KIAA1328: variants seen among roughly 807,000 people sequenced by gnomAD.
The protein encoded by KIAA1328 is protein hinderin.
KIAA1328 carries 52 observed loss-of-function variants against 68.1 expected under a neutral mutation model. The observed-to-expected ratio is 0.76, with a 90% CI of 0.61 to 0.96. The LOEUF is 0.96. KIAA1328 is among the 40% of genes least tolerant of loss of function. The pLI is 0.00. For synonymous variants in KIAA1328, 232 were observed against 239.4 expected (o/e 0.97, Z 0.28); for missense variants, 641 against 677.6 (o/e 0.95, Z 0.60).
chr18:37,192,052 C>T (rs974980663), intron 9 of KIAA1328, among the ~76,000 whole-genome samples: 6 of 152,064 alleles, frequency 3.9e-5, no homozygotes, highest in Non-Finnish European at 5.9e-5. Flanking sequence ...GCACTAAGTC[C>T]GAGCAAAACA....
At chr18:37,089,575 G>C (rs780461668) in intron 7 of KIAA1328, among the ~76,000 whole-genome samples, 1 of 151,822 alleles carries the variant, frequency 6.6e-6, no homozygotes, top group African/African-American at 2.4e-5. Context: ...GTGTTTCACC[G>C]TGTTGGTCAG....
chr18:37,038,586 T>G (rs1456827692), intron 6 of KIAA1328, among the ~76,000 whole-genome samples: 2 of 152,194 alleles, frequency 1.3e-5, no homozygotes, highest in Non-Finnish European at 2.9e-5. Flanking sequence ...CTGAACTTAT[T>G]ATTTCAGTAG....
chr18:36,987,760 T>C (rs2053001887), intron 6 of KIAA1328, among the ~76,000 whole-genome samples: 1 of 152,064 alleles, frequency 6.6e-6, no homozygotes, highest in South Asian at 2.1e-4. Flanking sequence ...ATGGCAAAAC[T>C]TACCCACTTG....
chr18:37,093,035 A>T (rs1434260698), intron 7 of KIAA1328, among the ~76,000 whole-genome samples: 1 of 152,204 alleles, frequency 6.6e-6, no homozygotes, highest in African/African-American at 2.4e-5. Flanking sequence ...GAGCTATCAG[A>T]TACTGCTGAC....
At chr18:36,834,278 C>T (rs370112970) in intron 1 of KIAA1328, 42 bp from the exon 2 acceptor site, 17 of 1,485,962 alleles carry the variant, frequency 1.1e-5, no homozygotes, top group Middle Eastern at 1.7e-4. Context: ...ATTTGGATGC[C>T]GGATAATATT....
chr18:37,077,817 T>G (rs1361395416), intron 7 of KIAA1328, among the ~76,000 whole-genome samples: 6 of 151,060 alleles, frequency 4.0e-5, no homozygotes, highest in Admixed American at 6.6e-5. Context: ...CACTGCTCAA[T>G]GAAATAAAAG....
At chr18:36,989,848 C>T (rs1409421626) in intron 6 of KIAA1328, among the ~76,000 whole-genome samples, 1 of 152,100 alleles carries the variant, frequency 6.6e-6, no homozygotes, top group African/African-American at 2.4e-5. Context: ...GTGCCCGCCA[C>T]CACGCTCAGC....
intron 6 of KIAA1328, among the ~76,000 whole-genome samples, chr18:36,983,978 A>G (rs2052802250): frequency 6.6e-6 from 1 of 152,184 alleles, no homozygotes; most frequent in African/African-American, 2.4e-5. Flanking sequence ...ACAATTCAGC[A>G]TGTTAATAAG....
intron 6 of KIAA1328, among the ~76,000 whole-genome samples, chr18:37,009,973 A>G (rs1450728512): frequency 1.3e-5 from 2 of 152,206 alleles, no homozygotes; most frequent in Admixed American, 6.5e-5. Context: ...GGCAGCTGAA[A>G]TAGAAATTGT....
At chr18:37,168,005 AG>A (rs372791136) in intron 8 of KIAA1328, among the ~76,000 whole-genome samples, 55 of 152,356 alleles carry the variant, frequency 3.6e-4, no homozygotes, top group South Asian at 2.1e-3. Flanking sequence ...GCATATTGAA[AG>A]GATTATACAT....
intron 5 of KIAA1328, among the ~76,000 whole-genome samples, chr18:36,922,979 G>A (rs1402274583): frequency 6.6e-6 from 1 of 152,016 alleles, no homozygotes; most frequent in Admixed American, 6.6e-5. Context: ...ATTATATATA[G>A]TATTCCTCCA....
At chr18:36,995,959 G>T (rs1297922652) in intron 6 of KIAA1328, among the ~76,000 whole-genome samples, 1 of 152,132 alleles carries the variant, frequency 6.6e-6, no homozygotes, top group Non-Finnish European at 1.5e-5. Flanking sequence ...CAATAATAAT[G>T]ATTACTTTTG....
chr18:36,945,926 G>T lies in KIAA1328; in HGVS notation c.449-13382G>T, dbSNP rs1034513070. On this transcript the variant is annotated intron_variant, in intron 5 of 9. Coordinates refer to ENST00000280020, the MANE Select transcript of KIAA1328 (RefSeq NM_020776.3). ...ATCCAAAATTCTTGAGGCCAGAAGT[G>T]TTTCAGATTTTGGATTTTTTTAGAT... is the stretch of plus-strand genomic sequence containing the variant. Among the ~76,000 whole-genome samples, 7 of 152,230 alleles carry T rather than the reference G, an allele frequency of 4.6e-5. No homozygotes were observed. The South Asian group carries it at 1.5e-3, about 32-fold the overall frequency.
At chr18:37,068,876 C>G (rs778963132) in intron 7 of KIAA1328, among the ~76,000 whole-genome samples, 186 of 152,228 alleles carry the variant, frequency 1.2e-3, no homozygotes, top group Non-Finnish European at 1.7e-3. Flanking sequence ...CTCAGCCTCC[C>G]AAAGTGCTGG....
chr18:37,057,482 C>T (rs927391608), intron 6 of KIAA1328, among the ~76,000 whole-genome samples: 2 of 148,926 alleles, frequency 1.3e-5, no homozygotes, highest in South Asian at 2.1e-4. Flanking sequence ...GGTTGGAGTG[C>T]GGTGGCGCGA....
intron 6 of KIAA1328, among the ~76,000 whole-genome samples, chr18:36,977,383 C>T (rs2052512078): frequency 6.6e-6 from 1 of 152,200 alleles, no homozygotes; most frequent in Admixed American, 6.5e-5. Flanking sequence ...GTTCAGCTTA[C>T]ACCTTTACAC....
At chr18:36,981,389 A>C (rs2052681286) in intron 6 of KIAA1328, among the ~76,000 whole-genome samples, 1 of 152,200 alleles carries the variant, frequency 6.6e-6, no homozygotes, top group Non-Finnish European at 1.5e-5. Flanking sequence ...CAAGAAGATA[A>C]AATTTACAAC....
intron 9 of KIAA1328, among the ~76,000 whole-genome samples, chr18:37,185,182 A>T (rs1021126734): frequency 6.6e-6 from 1 of 151,570 alleles, no homozygotes; most frequent in African/African-American, 2.4e-5. Context: ...AAAAAAAAGA[A>T]GTTTGGGTTT....
intron 5 of KIAA1328, among the ~76,000 whole-genome samples, chr18:36,957,379 A>G (rs1047805717): frequency 4.6e-5 from 7 of 152,306 alleles, no homozygotes; most frequent in African/African-American, 1.2e-4. Context: ...AGGGAAAAAG[A>G]GCCTGGGGAG....
Sources: allele counts gnomAD v4.1 joint callset (sites outside exome capture counted in the v4.1 genomes callset), GRCh38; gene constraint gnomAD v4.1.1; transcripts MANE v1.5; gene names NCBI Gene and HGNC (gene_info 2026-07-23, HGNC 2026-07-21).